PTPRE: variants seen among roughly 807,000 people sequenced by gnomAD.
The protein encoded by PTPRE is receptor-type tyrosine-protein phosphatase epsilon.
Under a neutral mutation model 102.0 loss-of-function variants are expected in PTPRE, and 51 were observed. That is an observed-to-expected ratio of 0.50 (90% CI 0.40 to 0.63). PTPRE has a LOEUF of 0.63. Ranked by LOEUF, PTPRE falls within the 30% of genes least tolerant of loss-of-function variation. The probability of loss-of-function intolerance (pLI) is 0.00; values close to 1 mark genes in which losing one functional copy is unlikely to be tolerated. For missense variants in PTPRE, 752 were observed against 915.1 expected, an observed-to-expected ratio of 0.82 and a Z score of 2.30; for synonymous variants, 345 against 348.2, an observed-to-expected ratio of 0.99 and a Z score of 0.10.
chr10:128,039,517 A>G (rs1590101082), intron 2 of PTPRE, among the ~76,000 whole-genome samples: 1 of 152,376 alleles, frequency 6.6e-6, no homozygotes, highest in Middle Eastern at 3.4e-3. Context: ...GATTGCCACC[A>G]TCGTCGTTGT....
At chr10:127,918,695 C>T (rs1846387312) in intron 1 of PTPRE, among the ~76,000 whole-genome samples, 1 of 152,166 alleles carries the variant, frequency 6.6e-6, no homozygotes, top group African/African-American at 2.4e-5. Flanking sequence ...GTTGGGCAAC[C>T]CCTGCCCAGT....
intron 1 of PTPRE, among the ~76,000 whole-genome samples, chr10:127,958,826 CT>C (rs1204981564): frequency 6.7e-6 from 1 of 148,632 alleles, no homozygotes; most frequent in African/African-American, 2.5e-5. Flanking sequence ...CTGGTCCTTT[CT>C]GTTTTAGAAG....
intron 2 of PTPRE, among the ~76,000 whole-genome samples, chr10:127,988,994 A>T (rs1479438128): frequency 1.3e-5 from 2 of 152,168 alleles, no homozygotes; most frequent in Non-Finnish European, 2.9e-5. Flanking sequence ...CATAAGCAAA[A>T]AAACGAAAAC....
At position 128,008,675 on chromosome 10, in the gene PTPRE, GT is replaced by G. The variant is rs766322831; in HGVS notation, c.-8+26380del. On this transcript the variant is annotated intron_variant, in intron 2 of 20. Coordinates refer to ENST00000254667, the MANE Select transcript of PTPRE (RefSeq NM_006504.6). The surrounding 1 kb of genome is among the most constrained non-coding windows in gnomAD (Gnocchi z 4.0). The stretch of plus-strand genomic sequence containing the variant: ...TCACGTCTTCCCAGAATCTACTGTG[GT>G]AATTCCGGCCAGGACTCAAGGATGT... Among the ~76,000 whole-genome samples, 1 of 152,118 alleles carries G rather than the reference GT, an allele frequency of 6.6e-6. No individual in the cohort carries two copies. The highest frequency in any genetic ancestry group is 1.5e-5 in the Non-Finnish European group (1 of 68,028).
intron 2 of PTPRE, among the ~76,000 whole-genome samples, chr10:128,038,176 G>A (rs1847388499): frequency 6.6e-6 from 1 of 152,140 alleles, no homozygotes; most frequent in South Asian, 2.1e-4. Context: ...ACTTATGCAA[G>A]CCCACTGAGA....
chr10:127,957,312 C>G (rs143835078), intron 1 of PTPRE, among the ~76,000 whole-genome samples: 70 of 152,160 alleles, frequency 4.6e-4, no homozygotes, highest in African/African-American at 1.4e-3. Context: ...GTCCCAGCAC[C>G]GTATGTTGAA....
chr10:128,067,058 A>C (rs1850198532), intron 11 of PTPRE, among the ~76,000 whole-genome samples: 1 of 151,844 alleles, frequency 6.6e-6, no homozygotes. Flanking sequence ...ACATGCATGC[A>C]CATGCACACG....
At chr10:128,021,167 C>T (rs1028935255) in intron 2 of PTPRE, among the ~76,000 whole-genome samples, 10 of 152,210 alleles carry the variant, frequency 6.6e-5, no homozygotes, top group Non-Finnish European at 1.3e-4. Context: ...AGTGCTGGGA[C>T]TACAGACGCG....
intron 10 of PTPRE, among the ~76,000 whole-genome samples, chr10:128,063,506 C>T (rs937177399): frequency 6.6e-6 from 1 of 152,174 alleles, no homozygotes; most frequent in East Asian, 1.9e-4. Flanking sequence ...GGATGTTGAG[C>T]GTGTCATGCG....
intron 2 of PTPRE, among the ~76,000 whole-genome samples, chr10:127,986,232 T>C (rs887322533): frequency 1.3e-5 from 2 of 151,980 alleles, no homozygotes; most frequent in African/African-American, 2.4e-5. Context: ...AATAGATTTA[T>C]GAAAATAACA....
Position 127,934,032 on chromosome 10 carries a change from A to G in PTPRE, c.-31+26723A>G, listed in dbSNP as rs865863040. The G allele has an allele frequency of 2.5e-4, 24 of 97,280 alleles. 1 individual carries two copies. Among genetic ancestry groups the G allele is most frequent in the African/African-American group, 9.2e-4 (22 of 23,852 alleles). The allele number at this position is 97,280 out of a possible 1,614,324, so 6.0% of individuals were successfully genotyped here. On this transcript the variant is annotated intron_variant, in intron 1 of 20. Coordinates refer to ENST00000254667, the MANE Select transcript of PTPRE (RefSeq NM_006504.6). ...TTCCCCCCACCCCCCGCGCACACACACACACACACACACACACACACACAA... is the reference window on the plus strand; with the variant it reads ...TTCCCCCCACCCCCCGCGCACACACGCACACACACACACACACACACACAA...
In PTPRE at chr10:128,066,164, C is replaced by A; in HGVS notation, c.813C>A (p.Asp271Glu). 1 of 1,614,236 alleles carries A rather than the reference C, an allele frequency of 6.2e-7. No homozygotes were observed. The highest frequency in any genetic ancestry group is 8.5e-7 in the Non-Finnish European group (1 of 1,180,036). The change falls in exon 11 of 21, where the codon GAC (aspartate) becomes GAA (glutamate). Residue 271 changes from aspartate to glutamate, a missense_variant. Physicochemically the swap from Asp to Glu is conservative, Grantham distance 45. Coordinates refer to ENST00000254667, the MANE Select transcript of PTPRE (RefSeq NM_006504.6). ...TGGAGGACTGCGTGGTTTTGGTCGA[C>A]TACACCATCCGGAAGTTCTGCATAC... ...VCVEDCVVLV[D>E]YTIRKFCIQP...
At chr10:128,000,739 G>A (rs1430260725) in intron 2 of PTPRE, among the ~76,000 whole-genome samples, 1 of 152,310 alleles carries the variant, frequency 6.6e-6, no homozygotes, top group South Asian at 2.1e-4. Flanking sequence ...CCTGAACCTT[G>A]GTTTCTTTCC....
At chr10:128,062,924 C>A (rs888084869) in intron 9 of PTPRE, 159 bp from the exon 10 acceptor site, 4 of 1,319,376 alleles carry the variant, frequency 3.0e-6, no homozygotes, top group East Asian at 5.1e-5. Context: ...CAGCCCCTAC[C>A]GGTTCCGGAA....
At chr10:127,960,743 G>C (rs1276214701) in intron 1 of PTPRE, among the ~76,000 whole-genome samples, 2 of 152,204 alleles carry the variant, frequency 1.3e-5, no homozygotes, top group Non-Finnish European at 2.9e-5. Context: ...TACAGAAACA[G>C]CCGGGCGCGG....
chr10:128,047,854 C>T lies in PTPRE; in HGVS notation c.283+17C>T, dbSNP rs780741601. On this transcript the variant is annotated intron_variant, in intron 5 of 20. Transcript: ENST00000254667. ...AGGAGCAAGGTACAGAAGCTGCTCT[C>T]TGGCTGGGGCTTGGGGGAAAATGTG... 7.0e-6 allele frequency: 11 copies of T among 1,562,900 alleles called. No homozygotes were observed. In the East Asian group the frequency reaches 2.3e-4, roughly 32 times the overall value.
chr10:127,971,508 T>C lies in PTPRE; in HGVS notation c.-30-10766T>C, dbSNP rs1452137983. Among the ~76,000 whole-genome samples, 5 of 152,138 alleles carry C rather than the reference T, an allele frequency of 3.3e-5. No homozygotes were observed. The East Asian group carries it at 9.7e-4, about 29-fold the overall frequency. On this transcript the variant is annotated intron_variant, in intron 1 of 20. Transcript: ENST00000254667. ...GTTTTCACTCGGTGCCGCCCTGAGG[T>C]GCGAGAGCCCCATGCATGGTGCCCT...
intron 1 of PTPRE, among the ~76,000 whole-genome samples, chr10:127,968,384 GAC>G (rs1179945385): frequency 6.6e-6 from 1 of 152,158 alleles, no homozygotes; most frequent in African/African-American, 2.4e-5. Context: ...GTCCAGTGAA[GAC>G]ACAGCAATCC....
intron 20 of PTPRE, among the ~76,000 whole-genome samples, chr10:128,082,195 C>CTCTCT (rs1554951767): frequency 0.096 from 8,538 of 89,022 alleles, 1,688 homozygotes; most frequent in African/African-American, 0.13. Flanking sequence ...TTTTCTCTTT[C>CTCTCT]TTTTTTTTTT....
Sources: gnomAD v4.1 joint callset for allele counts (sites outside exome capture counted in the v4.1 genomes callset) on GRCh38, gnomAD v4.1.1 for gene constraint, Gnocchi (gnomAD v3.1) non-coding constraint, MANE v1.5 for transcripts, NCBI Gene and HGNC (gene_info 2026-07-23, HGNC 2026-07-21) for gene names.